THSD4: variants seen among roughly 807,000 people sequenced by gnomAD.
THSD4 encodes the protein thrombospondin type-1 domain-containing protein 4.
THSD4 carries 69 observed loss-of-function variants against 119.0 expected under a neutral mutation model. The ratio of observed to expected loss-of-function variants is 0.58; its 90% CI spans 0.48 to 0.71. The LOEUF is 0.71. Ranked by LOEUF, THSD4 falls within the 30% of genes least tolerant of loss-of-function variation. The pLI is 0.00. For missense variants in THSD4, 1,393 were observed against 1,391.1 expected (o/e 1.00, Z -0.02); for synonymous variants, 524 against 540.4 (o/e 0.97, Z 0.42).
intron 2 of THSD4, 54 bp from the exon 3 acceptor site, chr15:71,154,809 G>A: frequency 5.7e-6 from 9 of 1,574,102 alleles, no homozygotes; most frequent in Non-Finnish European, 7.9e-6. Flanking sequence ...TTCCCTGGGT[G>A]CTGCTGCCTG....
chr15:71,681,586 A>G (rs953381660), intron 8 of THSD4, among the ~76,000 whole-genome samples: 1 of 151,798 alleles, frequency 6.6e-6, no homozygotes, highest in Non-Finnish European at 1.5e-5. Flanking sequence ...GGGGCGGCAG[A>G]ATCGATTGAA....
rs1450480946 is a variant in THSD4, at chr15:71,512,116, C to A, written c.1152+100293C>A. On this transcript the variant is annotated intron_variant, in intron 7 of 17. Coordinates refer to ENST00000261862, the MANE Select transcript of THSD4 (RefSeq NM_024817.3). The stretch of plus-strand genomic sequence containing the variant: ...CAGCAGCTAAGAAATCAGGGGGTAA[C>A]CGCCCAGGCTGAACACATGGCAAAT... Among the ~76,000 whole-genome samples, 3 of 152,146 alleles carry A rather than the reference C, an allele frequency of 2.0e-5. No homozygotes were observed. The South Asian group carries it at 6.2e-4, about 32-fold the overall frequency.
At chr15:71,652,300 T>C (rs2051107463) in intron 7 of THSD4, among the ~76,000 whole-genome samples, 1 of 152,110 alleles carries the variant, frequency 6.6e-6, no homozygotes, top group Non-Finnish European at 1.5e-5. Flanking sequence ...AAAATTACAA[T>C]AAAATCTGGC....
At position 71,703,889 on chromosome 15, in the gene THSD4, G is replaced by A. The variant is rs562347248; in HGVS notation, c.1358-24660G>A. ...TTTTGAGACAGAGTCTTGCTCTGTCGCCCAGGCTGGAGTGCAGTGGCGCGA... is the reference window on the plus strand; with the variant it reads ...TTTTGAGACAGAGTCTTGCTCTGTCACCCAGGCTGGAGTGCAGTGGCGCGA... On this transcript the variant is annotated intron_variant, in intron 8 of 17. Coordinates refer to ENST00000261862, the MANE Select transcript of THSD4 (RefSeq NM_024817.3). Among the ~76,000 whole-genome samples, 129 of 152,160 alleles carry A rather than the reference G, an allele frequency of 8.5e-4. 1 individual carries two copies. Among genetic ancestry groups the A allele is most frequent in the African/African-American group, 3.1e-3 (128 of 41,496 alleles).
At chr15:71,264,109 G>A (rs1275776187) in intron 6 of THSD4, among the ~76,000 whole-genome samples, 1 of 152,230 alleles carries the variant, frequency 6.6e-6, no homozygotes, top group Non-Finnish European at 1.5e-5. Context: ...GATGGGGCAG[G>A]GGGCGCTGTC....
At chr15:71,499,648 A>C (rs181705040) in intron 7 of THSD4, among the ~76,000 whole-genome samples, 1 of 151,882 alleles carries the variant, frequency 6.6e-6, no homozygotes, top group African/African-American at 2.4e-5. Context: ...CCATTGAACA[A>C]CTCCTTGTTT....
In THSD4 at chr15:71,748,589, G is replaced by C; in HGVS notation, c.2410G>C (p.Glu804Gln). Residue 804 changes from glutamate to glutamine, a missense_variant, in exon 14 of 18, where the codon GAA becomes CAA. Coordinates refer to ENST00000261862, the MANE Select transcript of THSD4 (RefSeq NM_024817.3). ...GAGCTGGTTCCTCACCGAGTGGAGC[G>C]AAAGGGTGAGTGTGATGGCGGGCAG... ...AKSWFLTEWS[E>Q]RCSAECGAGV... is the part of the protein sequence containing the mutation. The C allele has an allele frequency of 1.2e-6, 2 of 1,614,020 alleles. No individual in the cohort carries two copies. The highest frequency in any genetic ancestry group is 1.7e-6 in the Non-Finnish European group (2 of 1,179,940).
intron 7 of THSD4, among the ~76,000 whole-genome samples, chr15:71,655,890 A>G (rs2051181016): frequency 6.6e-6 from 1 of 152,202 alleles, no homozygotes; most frequent in Non-Finnish European, 1.5e-5. Context: ...TGGGAAGAAG[A>G]TCTGGATGGT....
chr15:71,246,636 A>C (rs547623004), intron 5 of THSD4, among the ~76,000 whole-genome samples: 25 of 152,342 alleles, frequency 1.6e-4, no homozygotes, highest in Non-Finnish European at 2.5e-4. Flanking sequence ...GGTGTGATCT[A>C]GGAATTTTAA....
chr15:71,553,518 G>A (rs1399630666), intron 7 of THSD4, among the ~76,000 whole-genome samples: 1 of 151,946 alleles, frequency 6.6e-6, no homozygotes, highest in East Asian at 1.9e-4. Flanking sequence ...GGAGAGACTG[G>A]GTTTCACCAT....
chr15:71,547,963 A>G (rs1250142762), intron 7 of THSD4, among the ~76,000 whole-genome samples: 1 of 150,882 alleles, frequency 6.6e-6, no homozygotes, highest in African/African-American at 2.4e-5. Flanking sequence ...ACTTTCTATC[A>G]TAGATTTGAA....
rs574755211 is a variant in THSD4, at chr15:71,659,911, G to A, written c.1153-619G>A. Among the ~76,000 whole-genome samples, 4 of 152,248 alleles carry A rather than the reference G, an allele frequency of 2.6e-5. No homozygotes were observed. The South Asian group carries it at 8.3e-4, about 32-fold the overall frequency. On this transcript the variant is annotated intron_variant, in intron 7 of 17. Coordinates refer to ENST00000261862, the MANE Select transcript of THSD4 (RefSeq NM_024817.3). Reference sequence around the variant, plus strand: ...AGCACTCTGTGGTTTAGCAGGTTATGATCTCGTTTGTTGATGATTCTGGCT... The same window carrying A: ...AGCACTCTGTGGTTTAGCAGGTTATAATCTCGTTTGTTGATGATTCTGGCT...
In THSD4 at chr15:71,418,797, G is replaced by A. The variant is rs2046782604; in HGVS notation, c.1152+6974G>A. On this transcript the variant is annotated intron_variant, in intron 7 of 17. Transcript: ENST00000261862. ...GTAAAATTCAGCAGTGAGGCTATTG[G>A]GTCCCAATCTTCTTTAGTGGGAGAC... 2.8e-5 allele frequency among the ~76,000 whole-genome samples: 3 copies of A among 108,328 alleles called. 1 individual carries two copies. The highest frequency in any genetic ancestry group is 6.1e-5 in the Non-Finnish European group (3 of 49,082). The allele number at this position is 108,328 out of a possible 152,430, so 71.1% of individuals were successfully genotyped here. A position where few individuals can be genotyped will look rare whatever the true frequency, so the allele number is the denominator to read the frequency against.
chr15:71,718,586 G>T lies in THSD4; in HGVS notation c.1358-9963G>T, dbSNP rs566167912. 7.9e-5 allele frequency among the ~76,000 whole-genome samples: 12 copies of T among 152,212 alleles called. No homozygotes were observed. The South Asian group carries it at 2.1e-3, about 26-fold the overall frequency. ...TGTATCCTGATCAAAAATCTTTTAG[G>T]CATCCCAGTGCCCACAATCAGCCGT... On this transcript the variant is annotated intron_variant, in intron 8 of 17. Transcript: ENST00000261862.
chr15:71,131,548 A>C (rs2040504619), intron 1 of THSD4, among the ~76,000 whole-genome samples: 1 of 152,214 alleles, frequency 6.6e-6, no homozygotes. Flanking sequence ...AAATTCACAG[A>C]AGAGACAGTA....
intron 6 of THSD4, among the ~76,000 whole-genome samples, chr15:71,257,041 CGT>C (rs1438096435): frequency 6.6e-6 from 1 of 152,072 alleles, no homozygotes; most frequent in Non-Finnish European, 1.5e-5. Context: ...AGTTGTGAGC[CGT>C]GAGTGCAGAT....
chr15:71,747,544 C>A (rs749124837), intron 13 of THSD4, among the ~76,000 whole-genome samples: 1 of 152,206 alleles, frequency 6.6e-6, no homozygotes, highest in Non-Finnish European at 1.5e-5. Context: ...AGTTGAAAGG[C>A]TTTTAGAAGA....
At chr15:71,342,051 G>A (rs1051950913) in intron 6 of THSD4, among the ~76,000 whole-genome samples, 5 of 152,102 alleles carry the variant, frequency 3.3e-5, no homozygotes, top group Admixed American at 2.0e-4. Context: ...ACAGGAGATG[G>A]GGAGGGGTAG....
intron 7 of THSD4, among the ~76,000 whole-genome samples, chr15:71,520,651 A>C (rs2048426790): frequency 6.6e-6 from 1 of 152,220 alleles, no homozygotes; most frequent in South Asian, 2.1e-4. Context: ...ACAATGTGTC[A>C]GGTTCTATGC....
Sources: allele counts gnomAD v4.1 joint callset (sites outside exome capture counted in the v4.1 genomes callset), GRCh38; gene constraint gnomAD v4.1.1; transcripts MANE v1.5; gene names NCBI Gene and HGNC (gene_info 2026-07-23, HGNC 2026-07-21).